CMBL: variants seen among roughly 807,000 people sequenced by gnomAD.
CMBL encodes carboxymethylenebutenolidase homolog (Pseudomonas).
Under a neutral mutation model 28.7 loss-of-function variants are expected in CMBL, and 17 were observed. The ratio of observed to expected loss-of-function variants is 0.59; its 90% confidence interval spans 0.41 to 0.89. The LOEUF is 0.89. Among genes scored for constraint, CMBL ranks in the 40% least tolerant of loss-of-function variants. The pLI is 0.00. For missense variants in CMBL, 310 were observed against 298.5 expected (o/e 1.04, Z -0.28); for synonymous variants, 106 against 101.6 (o/e 1.04, Z -0.26).
intron 1 of CMBL, among the ~76,000 whole-genome samples, chr5:10,301,503 G>A (rs1183129080): frequency 6.6e-6 from 1 of 151,994 alleles, no homozygotes; most frequent in African/African-American, 2.4e-5. Context: ...AGGGGTGGGG[G>A]CGCGTGGGGC....
Position 10,278,716 on chromosome 5 carries a change from T to G in CMBL, c.*1737A>C, listed in dbSNP as rs1315115889. On this transcript the variant is annotated 3_prime_UTR_variant, in exon 6 of 6. Coordinates refer to ENST00000296658, the MANE Select transcript of CMBL (RefSeq NM_138809.4). ...TGTCATTTCTTGGGTTCTGATGAGT[T>G]GCCTCCTCTACCCCATCCTAACTTC... is the stretch of plus-strand genomic sequence containing the variant. 6.6e-6 allele frequency among the ~76,000 whole-genome samples: 1 copy of G among 152,140 alleles called. No homozygotes were observed. The highest frequency in any genetic ancestry group is 1.5e-5 in the Non-Finnish European group (1 of 68,034).
intron 4 of CMBL, among the ~76,000 whole-genome samples, chr5:10,282,911 G>A (rs1746522231): frequency 6.6e-6 from 1 of 151,884 alleles, no homozygotes; most frequent in Non-Finnish European, 1.5e-5. Flanking sequence ...CCAACATGGT[G>A]AAACCCTGTC....
intron 4 of CMBL, among the ~76,000 whole-genome samples, chr5:10,282,523 C>T (rs1262481676): frequency 1.3e-5 from 2 of 152,334 alleles, no homozygotes; most frequent in East Asian, 3.9e-4. Context: ...TGGCTCACGC[C>T]TGTAATCCCA....
At chr5:10,302,852 C>A (rs1372443545) in intron 1 of CMBL, among the ~76,000 whole-genome samples, 2 of 152,210 alleles carry the variant, frequency 1.3e-5, no homozygotes, top group Non-Finnish European at 2.9e-5. Flanking sequence ...TGAAAGGGCC[C>A]TGCAAAGCTA....
At chr5:10,299,908 C>A (rs746464488) in intron 1 of CMBL, among the ~76,000 whole-genome samples, 4 of 152,178 alleles carry the variant, frequency 2.6e-5, no homozygotes, top group Non-Finnish European at 4.4e-5. Flanking sequence ...GAAAAATGTT[C>A]TTGGCACCAC....
At chr5:10,284,856 A>G (rs1047338973) in intron 4 of CMBL, among the ~76,000 whole-genome samples, 1 of 152,176 alleles carries the variant, frequency 6.6e-6, no homozygotes, top group African/African-American at 2.4e-5. Context: ...GAATGCTTCT[A>G]TATCATGAAT....
At chr5:10,302,880 T>C (rs7701986) in intron 1 of CMBL, among the ~76,000 whole-genome samples, 11,912 of 152,276 alleles carry the variant, frequency 0.078, 1,478 homozygotes, top group African/African-American at 0.27. Flanking sequence ...TAGGGGAAAC[T>C]TACATTCTGT....
At chr5:10,303,043 T>C (rs937113032) in intron 1 of CMBL, among the ~76,000 whole-genome samples, 2 of 152,202 alleles carry the variant, frequency 1.3e-5, no homozygotes, top group African/African-American at 4.8e-5. Flanking sequence ...ATAAGAACTT[T>C]GGTCTCCCAA....
chr5:10,301,947 G>A (rs1000776413), intron 1 of CMBL, among the ~76,000 whole-genome samples: 2 of 152,094 alleles, frequency 1.3e-5, no homozygotes, highest in African/African-American at 2.4e-5. Flanking sequence ...TTTATTTTCA[G>A]TTGACATCCA....
In CMBL at chr5:10,280,940, A is replaced by AT. The variant is rs1383874798; in HGVS notation, c.559-309dup. On this transcript the variant is annotated intron_variant, in intron 5 of 5. Coordinates refer to ENST00000296658, the MANE Select transcript of CMBL (RefSeq NM_138809.4). ...AGGCACCCGCCACCATGCCCAGCTA[A>AT]TTTTTGTATTTTTAGTAGAGACAGG... 2.0e-5 allele frequency among the ~76,000 whole-genome samples: 3 copies of AT among 152,096 alleles called. No homozygotes were observed. The East Asian group carries it at 5.8e-4, about 29-fold the overall frequency.
At position 10,307,355 on chromosome 5, in the gene CMBL, T is replaced by C. The variant is rs1380285313; in HGVS notation, c.-20+270A>G. 2.6e-5 allele frequency: 4 copies of C among 152,322 alleles called. No individual in the cohort carries two copies. The East Asian group carries it at 5.8e-4, about 22-fold the overall frequency. The allele number at this position is 152,322 out of a possible 1,614,324, so 9.4% of individuals were successfully genotyped here. A position where few individuals can be genotyped will look rare whatever the true frequency, so the allele number is the denominator to read the frequency against. ...TTTGCATACGGTGTGATTTCCACTA[T>C]GTCTTTAAAATGCATGGCGAAACAC... On this transcript the variant is annotated intron_variant, in intron 1 of 5. Transcript: ENST00000296658.
chr5:10,291,291 G>T (rs1487004169), intron 1 of CMBL, among the ~76,000 whole-genome samples: 1 of 152,218 alleles, frequency 6.6e-6, no homozygotes, highest in African/African-American at 2.4e-5. Context: ...AGCAAAAGGA[G>T]AAGAGCTCCA....
intron 4 of CMBL, among the ~76,000 whole-genome samples, chr5:10,282,511 G>C (rs570722485): frequency 6.6e-6 from 1 of 152,158 alleles, no homozygotes. Context: ...GGCCGGGCGC[G>C]GTGGCTCACG....
chr5:10,300,111 G>A (rs902264770), intron 1 of CMBL, among the ~76,000 whole-genome samples: 1 of 152,202 alleles, frequency 6.6e-6, no homozygotes, highest in Non-Finnish European at 1.5e-5. Flanking sequence ...TTAAGATGAG[G>A]TCATACTGGA....
intron 1 of CMBL, among the ~76,000 whole-genome samples, chr5:10,297,733 G>C (rs1013709496): frequency 6.6e-6 from 1 of 152,060 alleles, no homozygotes; most frequent in Admixed American, 6.6e-5. Context: ...AATGACCCCG[G>C]GAGAGAGGGA....
chr5:10,284,022 T>C (rs1191420815), intron 4 of CMBL, among the ~76,000 whole-genome samples: 2 of 152,250 alleles, frequency 1.3e-5, no homozygotes, highest in Non-Finnish European at 2.9e-5. Context: ...CCTTCACCTG[T>C]AACTCCTCTT....
chr5:10,285,315 CCCA>C (rs1746578810), intron 4 of CMBL, among the ~76,000 whole-genome samples: 2 of 152,120 alleles, frequency 1.3e-5, no homozygotes, highest in Non-Finnish European at 2.9e-5. Context: ...ACTACAGGCG[CCCA>C]CCACCACGCC....
intron 1 of CMBL, among the ~76,000 whole-genome samples, chr5:10,306,500 T>G (rs1440080826): frequency 6.6e-6 from 1 of 151,744 alleles, no homozygotes; most frequent in Non-Finnish European, 1.5e-5. Flanking sequence ...CTTTAGAAAT[T>G]TAGAAATAGA....
intron 4 of CMBL, among the ~76,000 whole-genome samples, chr5:10,283,275 C>A (rs1746534271): frequency 6.6e-6 from 1 of 152,098 alleles, no homozygotes; most frequent in South Asian, 2.1e-4. Flanking sequence ...CTGGGATGTA[C>A]CTTCGTTTAC....
Sources: allele counts gnomAD v4.1 joint callset (sites outside exome capture counted in the v4.1 genomes callset), GRCh38; gene constraint gnomAD v4.1.1; transcripts MANE v1.5; gene names NCBI Gene and HGNC (gene_info 2026-07-23, HGNC 2026-07-21).